CDS2: variants seen among roughly 807,000 people sequenced by gnomAD.
CDS2 encodes the protein phosphatidate cytidylyltransferase 2.
A neutral mutation model predicts 59.0 loss-of-function variants in CDS2; 47 were observed. The ratio of observed to expected loss-of-function variants is 0.80; its 90% CI spans 0.63 to 1.02. The LOEUF is 1.02. Among genes scored for constraint, CDS2 ranks in the 50% least tolerant of loss-of-function variants. CDS2 has a pLI of 0.00. For missense variants in CDS2, 356 were observed against 558.9 expected, an observed-to-expected ratio of 0.64 and a Z score of 3.66; for synonymous variants, 207 against 206.4, an observed-to-expected ratio of 1.00 and a Z score of -0.02.
intron 1 of CDS2, among the ~76,000 whole-genome samples, chr20:5,153,936 A>G (rs1007739387): frequency 2.0e-5 from 3 of 152,084 alleles, no homozygotes; most frequent in Admixed American, 2.0e-4. Flanking sequence ...GCCTCCCCCT[A>G]ATAGGATGAA....
intron 5 of CDS2, among the ~76,000 whole-genome samples, chr20:5,179,643 A>G (rs1363375475): frequency 1.3e-5 from 2 of 152,218 alleles, no homozygotes; most frequent in East Asian, 1.9e-4. Flanking sequence ...ACATTGTAGC[A>G]TGGTGGAAAT....
intron 1 of CDS2, among the ~76,000 whole-genome samples, chr20:5,142,340 G>T (rs1160244291): frequency 6.6e-6 from 1 of 152,008 alleles, no homozygotes; most frequent in African/African-American, 2.4e-5. Context: ...CCAGCTGCTC[G>T]GGAGGTTGAG....
chr20:5,179,485 C>T (rs2091018041), intron 5 of CDS2, among the ~76,000 whole-genome samples: 1 of 152,196 alleles, frequency 6.6e-6, no homozygotes, highest in South Asian at 2.1e-4. Context: ...GCCACCTGCC[C>T]CTGTGTTTCA....
At chr20:5,131,289 T>C (rs1389623322) in intron 1 of CDS2, among the ~76,000 whole-genome samples, 4 of 152,176 alleles carry the variant, frequency 2.6e-5, no homozygotes, top group Non-Finnish European at 5.9e-5. Flanking sequence ...TCAAAGCCAA[T>C]TGCTAATAAA....
At chr20:5,151,354 A>G (rs1403515083) in intron 1 of CDS2, among the ~76,000 whole-genome samples, 3 of 152,264 alleles carry the variant, frequency 2.0e-5, no homozygotes, top group Admixed American at 6.5e-5. Flanking sequence ...AACGCACAAC[A>G]TAAATTACCA....
rs2091054778 is a variant in CDS2, at chr20:5,184,703, T to C, written c.672-155T>C. Among the ~76,000 whole-genome samples, 2 of 152,216 alleles carry C rather than the reference T, an allele frequency of 1.3e-5. No individual in the cohort carries two copies. The highest frequency in any genetic ancestry group is 2.9e-5 in the Non-Finnish European group (2 of 68,046). On this transcript the variant is annotated intron_variant, in intron 7 of 12. Transcript: ENST00000460006. This position sits in a 1 kb window ranked among gnomAD's most constrained non-coding sequence, Gnocchi z 4.3. ...CTGTGCTAGGTACTAGGTATGACTTTTTTGGTATTTTTTATGTTTTTAACT... is the reference window on the plus strand; with the variant it reads ...CTGTGCTAGGTACTAGGTATGACTTCTTTGGTATTTTTTATGTTTTTAACT...
Position 5,195,976 on chromosome 20 carries a change from A to T in CDS2, c.*5742A>T, listed in dbSNP as rs143434074. ...TGGGGAGTTGGGGCACGTGTGTGTA[A>T]GGGGAGGCTGCCTCACTTTGAAGGA... On this transcript the variant is annotated 3_prime_UTR_variant, in exon 13 of 13. Coordinates refer to ENST00000460006, the MANE Select transcript of CDS2 (RefSeq NM_003818.4). The T allele has an allele frequency of 1.3e-5, 2 of 152,052 alleles. No homozygotes were observed. Among genetic ancestry groups the T allele is most frequent in the African/African-American group, 4.8e-5 (2 of 41,406 alleles). 9.4% of individuals were successfully genotyped at this position (152,052 alleles called of 1,614,324 possible).
chr20:5,148,043 C>T (rs1450454927), intron 1 of CDS2, among the ~76,000 whole-genome samples: 1 of 152,068 alleles, frequency 6.6e-6, no homozygotes, highest in Non-Finnish European at 1.5e-5. Context: ...ACTGCAACCT[C>T]TAAGAGCAGT....
intron 3 of CDS2, chr20:5,175,488 T>C: frequency 2.1e-6 from 1 of 480,874 alleles, no homozygotes; most frequent in Non-Finnish European, 3.8e-6. Flanking sequence ...TGGTTGAAGA[T>C]GTCTCAGTGT....
chr20:5,169,686 G>T (rs2090940716), intron 1 of CDS2, among the ~76,000 whole-genome samples: 1 of 152,228 alleles, frequency 6.6e-6, no homozygotes, highest in Admixed American at 6.5e-5. Flanking sequence ...GGAAAGAAAA[G>T]AAGAATGAGG....
intron 1 of CDS2, among the ~76,000 whole-genome samples, chr20:5,151,043 A>C (rs527255091): frequency 5.6e-4 from 86 of 152,336 alleles, no homozygotes; most frequent in Non-Finnish European, 1.0e-3. Flanking sequence ...GTTGGTACTA[A>C]ATCAGCTGTG....
At chr20:5,140,992 T>C (rs1432663912) in intron 1 of CDS2, among the ~76,000 whole-genome samples, 1 of 152,152 alleles carries the variant, frequency 6.6e-6, no homozygotes, top group East Asian at 1.9e-4. Flanking sequence ...CTTATTAAAG[T>C]CTCTTGTTAT....
Position 5,190,277 on chromosome 20 carries a change from G to T in CDS2, c.*43G>T. ...GAGAACAGGAACAGAACTGAGCAGG[G>T]GCAGGTCTCCAAGGCAAGCCCAGCT... On this transcript the variant is annotated 3_prime_UTR_variant, in exon 13 of 13. Coordinates refer to ENST00000460006, the MANE Select transcript of CDS2 (RefSeq NM_003818.4). 1.3e-6 allele frequency: 2 copies of T among 1,575,610 alleles called. No homozygotes were observed. The highest frequency in any genetic ancestry group is 1.1e-5 in the South Asian group (1 of 87,348).
chr20:5,173,774 C>T, intron 2 of CDS2, 115 bp downstream of exon 2: 4 of 1,216,044 alleles, frequency 3.3e-6, no homozygotes, highest in East Asian at 4.7e-5. Flanking sequence ...TGTCTTGCCT[C>T]AGCCTCCCAT....
intron 1 of CDS2, among the ~76,000 whole-genome samples, chr20:5,135,795 T>C (rs2090645439): frequency 6.6e-6 from 1 of 152,204 alleles, no homozygotes; most frequent in Non-Finnish European, 1.5e-5. Flanking sequence ...CAGTCTGTGG[T>C]GCAGAATTTG....
intron 1 of CDS2, among the ~76,000 whole-genome samples, chr20:5,140,217 G>A (rs369607349): frequency 1.3e-5 from 2 of 152,184 alleles, no homozygotes; most frequent in Non-Finnish European, 2.9e-5. Flanking sequence ...GAACCAAGCA[G>A]GCATTTAAGT....
rs2090972993 is a variant in CDS2, at chr20:5,173,640, C to T, written c.175C>T (p.Leu59Phe). 1 of 1,614,174 alleles carries T rather than the reference C, an allele frequency of 6.2e-7. No homozygotes were observed. The highest frequency in any genetic ancestry group is 8.5e-7 in the Non-Finnish European group (1 of 1,179,998). The stretch of plus-strand genomic sequence containing the variant: ...TACCCCGGAGGTCCTCAATAGGGCC[C>T]TTTCCAACTTGTCTTCAAGGTAACC... ...DDTPEVLNRA[L>F]SNLSSRWKNW... The change falls in exon 2 of 13, where the codon CTT becomes TTT. Residue 59 changes from leucine (L) to phenylalanine (F), a missense_variant. Transcript: ENST00000460006.
chr20:5,141,999 G>T (rs1224591603), intron 1 of CDS2, among the ~76,000 whole-genome samples: 1 of 152,186 alleles, frequency 6.6e-6, no homozygotes, highest in East Asian at 1.9e-4. Context: ...GATAGAGATA[G>T]ATATGAAAGG....
chr20:5,147,931 G>T (rs568810731), intron 1 of CDS2, among the ~76,000 whole-genome samples: 1 of 152,056 alleles, frequency 6.6e-6, no homozygotes, highest in African/African-American at 2.4e-5. Flanking sequence ...ATCTCTAAGA[G>T]CAGTGATTGT....
Sources: gnomAD v4.1 joint callset for allele counts (sites outside exome capture counted in the v4.1 genomes callset) on GRCh38, gnomAD v4.1.1 for gene constraint, Gnocchi (gnomAD v3.1) non-coding constraint, MANE v1.5 for transcripts, NCBI Gene and HGNC (gene_info 2026-07-23, HGNC 2026-07-21) for gene names.